NONO: variants seen among roughly 807,000 people sequenced by gnomAD.
NONO encodes the protein non-POU domain containing octamer binding, also known as non-POU domain-containing octamer-binding protein.
Under a neutral mutation model 40.2 loss-of-function variants are expected in NONO, and 6 were observed. That is an observed-to-expected ratio of 0.15 (90% CI 0.08 to 0.29). NONO has a LOEUF of 0.29. Among genes scored for constraint, NONO ranks in the 10% least tolerant of loss-of-function variants. The pLI is 1.00. For missense variants in NONO, 133 were observed against 397.8 expected, an observed-to-expected ratio of 0.33 and a Z score of 5.66; for synonymous variants, 89 against 123.3, an observed-to-expected ratio of 0.72 and a Z score of 1.85.
intron 3 of NONO, among the ~76,000 whole-genome samples, chrX:71,291,554 G>T (rs976656542): frequency 9.0e-6 from 1 of 111,468 alleles, no homozygotes; most frequent in Non-Finnish European, 1.9e-5. Flanking sequence ...GCTTAGTCCA[G>T]CTTGGCTTCT....
chrX:71,298,596 G>T (rs1020579130), intron 10 of NONO, 88 bp downstream of exon 10: 1 of 1,058,141 alleles, frequency 9.5e-7, no homozygotes, highest in African/African-American at 1.8e-5. Flanking sequence ...ACTTTAAGGG[G>T]GTGACATATA....
intron 5 of NONO, among the ~76,000 whole-genome samples, chrX:71,295,905 T>C (rs987179980): frequency 8.9e-6 from 1 of 112,002 alleles, no homozygotes; most frequent in African/African-American, 3.2e-5. Context: ...CGGTAGGTTG[T>C]CATGTAGTCA....
At chrX:71,296,516 C>A (rs2031455245) in intron 5 of NONO, 49 bp from the exon 6 acceptor site, 1 of 875,819 alleles carries the variant, frequency 1.1e-6, no homozygotes, top group Non-Finnish European at 1.6e-6. Flanking sequence ...AGAGAAGAAG[C>A]CTGGTGGGGT....
chrX:71,296,749 C>A, intron 6 of NONO, 89 bp downstream of exon 6: 2 of 1,012,384 alleles, frequency 2.0e-6, no homozygotes, highest in South Asian at 4.5e-5. Flanking sequence ...GTCTTTGCTG[C>A]ACATGTTCAC....
chrX:71,297,109 C>T, intron 7 of NONO, 62 bp downstream of exon 7: 1 of 985,869 alleles, frequency 1.0e-6, no homozygotes, highest in Non-Finnish European at 1.4e-6. Flanking sequence ...AAATGGGTTT[C>T]TTTGTATCAA....
intron 7 of NONO, 133 bp downstream of exon 7, chrX:71,297,180 A>G: frequency 1.4e-6 from 1 of 694,321 alleles, no homozygotes; most frequent in East Asian, 3.5e-5. Context: ...TGGTAGATAA[A>G]TAGGCTTGGA....
At chrX:71,293,582 C>T (rs958451989) in intron 4 of NONO, among the ~76,000 whole-genome samples, 4 of 105,946 alleles carry the variant, frequency 3.8e-5, no homozygotes, top group African/African-American at 7.0e-5. Flanking sequence ...GACTCCGTCT[C>T]GAAAAAAAAA....
Position 71,284,384 on chromosome X carries a change from G to T in NONO, c.-66-13G>T, listed in dbSNP as rs1250902322. On this transcript the variant is annotated splice_polypyrimidine_tract_variant and intron_variant, in intron 1 of 11. Coordinates refer to ENST00000276079, the MANE Select transcript of NONO (RefSeq NM_007363.5). ...TTACCATAACCTGACACGTTTCTTT[G>T]TGTTTTTAACAGAGAAGTCGAGGTT... 3 of 111,760 alleles carry T rather than the reference G, an allele frequency of 2.7e-5. No homozygotes were observed. The highest frequency in any genetic ancestry group is 5.6e-5 in the Non-Finnish European group (3 of 53,172). 9.2% of individuals were successfully genotyped at this position (111,760 alleles called of 1,213,427 possible).
At position 71,283,677 on chromosome X, in the gene NONO, C is replaced by G. The variant is rs751722432; in HGVS notation, c.-111C>G. 1 of 111,239 alleles carries G rather than the reference C, an allele frequency of 9.0e-6. No homozygotes were observed. Among genetic ancestry groups the G allele is most frequent in the Admixed American group, 9.6e-5 (1 of 10,416 alleles). 9.2% of individuals were successfully genotyped at this position (111,239 alleles called of 1,213,427 possible). On this transcript the variant is annotated 5_prime_UTR_variant, in exon 1 of 12. Coordinates refer to ENST00000276079, the MANE Select transcript of NONO (RefSeq NM_007363.5). ...GCTCTTTTCTCGGGACGGGAGAGGC[C>G]GTGTAGCGTCGCCGTTACTCCGAGG... is the stretch of plus-strand genomic sequence containing the variant.
chrX:71,298,911 G>A, intron 11 of NONO, 95 bp downstream of exon 11: 2 of 603,716 alleles, frequency 3.3e-6, no homozygotes, highest in South Asian at 2.8e-5. Context: ...ACCTCAGTTT[G>A]CTATAGATAG....
intron 2 of NONO, among the ~76,000 whole-genome samples, chrX:71,288,875 C>CGT (rs1192125705): frequency 1.8e-5 from 2 of 111,970 alleles, no homozygotes; most frequent in African/African-American, 6.5e-5. Flanking sequence ...GAAACAGGTA[C>CGT]AGAGTAATTT....
Position 71,300,090 on chromosome X carries a change from C to G in NONO, c.*14C>G, listed in dbSNP as rs1201924122. The G allele has an allele frequency of 8.3e-7, 1 of 1,207,469 alleles. No individual in the cohort carries two copies. Among genetic ancestry groups the G allele is most frequent in the African/African-American group, 1.8e-5 (1 of 56,917 alleles). ...CGCCGATACTAATAAGTTGCAGTGT[C>G]TAGTTTCTCAAAACCCTTAAAAGAA... On this transcript the variant is annotated 3_prime_UTR_variant, in exon 12 of 12. Coordinates refer to ENST00000276079, the MANE Select transcript of NONO (RefSeq NM_007363.5).
In NONO at chrX:71,298,830, A is replaced by C; in HGVS notation, c.1281+14A>C. 8.9e-7 allele frequency: 1 copy of C among 1,129,660 alleles called. No individual in the cohort carries two copies. Among genetic ancestry groups the C allele is most frequent in the East Asian group, 3.0e-5 (1 of 33,502 alleles). The allele number at this position is 1,129,660 out of a possible 1,213,427, so 93.1% of individuals were successfully genotyped here. A position where few individuals can be genotyped will look rare whatever the true frequency, so the allele number is the denominator to read the frequency against. On this transcript the variant is annotated intron_variant, in intron 11 of 11. Coordinates refer to ENST00000276079, the MANE Select transcript of NONO (RefSeq NM_007363.5). ...ACTTTGGGATTGGTAATAAAACTGCAGTGCCTTAACAGTAATTCTAAATGG... is the reference window on the plus strand; with the variant it reads ...ACTTTGGGATTGGTAATAAAACTGCCGTGCCTTAACAGTAATTCTAAATGG...
At chrX:71,299,160 G>C in intron 11 of NONO, among the ~76,000 whole-genome samples, 1 of 111,920 alleles carries the variant, frequency 8.9e-6, no homozygotes, top group Non-Finnish European at 1.9e-5. Context: ...GACCTCAGGT[G>C]ATCCACCAGC....
At chrX:71,297,777 G>T (rs1481761796) in intron 8 of NONO, 59 bp from the exon 9 acceptor site, 1 of 908,958 alleles carries the variant, frequency 1.1e-6, no homozygotes, top group African/African-American at 1.9e-5. Flanking sequence ...TGAGTCTCCT[G>T]TTAATCTGCT....
rs151329789 is a variant in NONO at position 71,298,622 on chromosome X, A to G, written c.1172-85A>G. Reference sequence around the variant, plus strand: ...GTGACATATATGTCTTACTTAGCCCAGAGGTCTTGTTGAATTGTTTCCTTT... The same window carrying G: ...GTGACATATATGTCTTACTTAGCCCGGAGGTCTTGTTGAATTGTTTCCTTT... On this transcript the variant is annotated intron_variant, in intron 10 of 11. Coordinates refer to ENST00000276079, the MANE Select transcript of NONO (RefSeq NM_007363.5). The G allele has an allele frequency of 1.1e-4, 114 of 1,065,879 alleles. No homozygotes were observed. The African/African-American group carries it at 1.8e-3, about 17-fold the overall frequency. The allele number at this position is 1,065,879 out of a possible 1,213,427, so 87.8% of individuals were successfully genotyped here.
intron 2 of NONO, among the ~76,000 whole-genome samples, chrX:71,288,283 G>A (rs1356244875): frequency 9.5e-6 from 1 of 104,922 alleles, no homozygotes; most frequent in Non-Finnish European, 2.0e-5. Flanking sequence ...CATATTTTTT[G>A]TAGAGGTGGG....
At chrX:71,288,312 G>A (rs765552867) in intron 2 of NONO, among the ~76,000 whole-genome samples, 11 of 109,034 alleles carry the variant, frequency 1.0e-4, no homozygotes, top group Non-Finnish European at 1.7e-4. Flanking sequence ...TGTTGCCCAG[G>A]CTGGTCTCTA....
chrX:71,290,535 A>G, intron 2 of NONO, 94 bp from the exon 3 acceptor site: 1 of 680,203 alleles, frequency 1.5e-6, no homozygotes, highest in Non-Finnish European at 2.3e-6. Context: ...AAGCCAGAGC[A>G]CTTAAGGTGA....
Sources: allele counts gnomAD v4.1 joint callset (sites outside exome capture counted in the v4.1 genomes callset), GRCh38; gene constraint gnomAD v4.1.1; transcripts MANE v1.5; gene names NCBI Gene and HGNC (gene_info 2026-07-23, HGNC 2026-07-21).